Variants in NKAIN2 observed in about 807,000 individuals in gnomAD.
NKAIN2 encodes the protein sodium/potassium-transporting ATPase subunit beta-1-interacting protein 2.
In NKAIN2, 14 loss-of-function variants were observed where a neutral mutation model predicts 32.6. The observed-to-expected ratio is 0.43, with a 90% CI of 0.28 to 0.67. NKAIN2 has a LOEUF of 0.67. Among genes scored for constraint, NKAIN2 ranks in the 30% least tolerant of loss-of-function variants. The pLI is 0.17. For missense variants in NKAIN2, 198 were observed against 258.3 expected (o/e 0.77, Z 1.60); for synonymous variants, 80 against 87.2 (o/e 0.92, Z 0.46).
At chr6:124,056,953 A>C (rs969904680) in intron 1 of NKAIN2, among the ~76,000 whole-genome samples, 5 of 152,004 alleles carry the variant, frequency 3.3e-5, no homozygotes, top group African/African-American at 1.2e-4. Flanking sequence ...GCCCAAGGGA[A>C]ATAATGAGAT....
intron 1 of NKAIN2, among the ~76,000 whole-genome samples, chr6:123,844,204 G>A (rs1234944865): frequency 6.6e-6 from 1 of 152,090 alleles, no homozygotes; most frequent in Non-Finnish European, 1.5e-5. Flanking sequence ...AACCCCAACC[G>A]TGTCCTAAAG....
chr6:124,754,640 A>T (rs745629011), intron 4 of NKAIN2, among the ~76,000 whole-genome samples: 3 of 152,100 alleles, frequency 2.0e-5, no homozygotes, highest in Admixed American at 6.6e-5. Flanking sequence ...AAAATAACAG[A>T]TGCTGGAGCG....
At chr6:124,655,243 G>T (rs541564696) in intron 3 of NKAIN2, among the ~76,000 whole-genome samples, 1 of 152,018 alleles carries the variant, frequency 6.6e-6, no homozygotes, top group Non-Finnish European at 1.5e-5. Context: ...TGTTCCCATT[G>T]TGTCTCCATT....
chr6:124,723,911 G>A (rs1776148715), intron 4 of NKAIN2, among the ~76,000 whole-genome samples: 1 of 152,056 alleles, frequency 6.6e-6, no homozygotes, highest in Admixed American at 6.6e-5. Context: ...GTTCTGTGCT[G>A]GTATTTTTAT....
intron 3 of NKAIN2, among the ~76,000 whole-genome samples, chr6:124,428,864 G>A (rs775611454): frequency 6.6e-6 from 1 of 152,076 alleles, no homozygotes; most frequent in Non-Finnish European, 1.5e-5. Context: ...TGTGGGGTGT[G>A]TATAAGAGGG....
intron 4 of NKAIN2, among the ~76,000 whole-genome samples, chr6:124,663,914 C>T (rs192456848): frequency 6.6e-6 from 1 of 152,134 alleles, no homozygotes; most frequent in African/African-American, 2.4e-5. Flanking sequence ...ATTTAGAGAA[C>T]AAGATTTTTC....
At chr6:123,873,533 CT>C (rs1773014732) in intron 1 of NKAIN2, among the ~76,000 whole-genome samples, 1 of 152,110 alleles carries the variant, frequency 6.6e-6, no homozygotes, top group Non-Finnish European at 1.5e-5. Context: ...TTGAAGGTTT[CT>C]CTGAAGTGTG....
intron 1 of NKAIN2, among the ~76,000 whole-genome samples, chr6:124,050,284 A>G (rs989691889): frequency 6.6e-6 from 1 of 152,044 alleles, no homozygotes; most frequent in East Asian, 1.9e-4. Flanking sequence ...GTATTTTACT[A>G]ATGAAGTATA....
chr6:124,533,301 C>G (rs910957856), intron 3 of NKAIN2, among the ~76,000 whole-genome samples: 2 of 151,750 alleles, frequency 1.3e-5, no homozygotes, highest in Non-Finnish European at 2.9e-5. Flanking sequence ...GAAACCCCGT[C>G]TGTACTAAAA....
At chr6:124,367,124 AGTG>A (rs1163547230) in intron 3 of NKAIN2, among the ~76,000 whole-genome samples, 1 of 152,148 alleles carries the variant, frequency 6.6e-6, no homozygotes, top group Non-Finnish European at 1.5e-5. Flanking sequence ...ACTACACAGT[AGTG>A]AGGAATTATA....
chr6:124,552,009 C>T (rs1344603398), intron 3 of NKAIN2, among the ~76,000 whole-genome samples: 2 of 152,142 alleles, frequency 1.3e-5, no homozygotes, highest in Admixed American at 6.5e-5. Flanking sequence ...GAGCATGACC[C>T]GTTGCACAAC....
intron 2 of NKAIN2, among the ~76,000 whole-genome samples, chr6:124,317,192 C>A (rs374001970): frequency 1.3e-5 from 2 of 152,056 alleles, no homozygotes; most frequent in South Asian, 4.1e-4. Flanking sequence ...AGGAGTGTTT[C>A]CTACAACTAG....
At position 123,849,357 on chromosome 6, in the gene NKAIN2, G is replaced by A. The variant is rs190748697; in HGVS notation, c.54+45103G>A. 1.4e-4 allele frequency among the ~76,000 whole-genome samples: 21 copies of A among 152,306 alleles called. 1 individual carries two copies. The highest frequency in any genetic ancestry group is 8.5e-4 in the Admixed American group (13 of 15,302). On this transcript the variant is annotated intron_variant, in intron 1 of 6. Transcript: ENST00000368417. ...AGTAGCAGAGTTGGGAAGTAGACAT[G>A]GAATGGCAGGAAGCCAAGCAATGGT...
At chr6:124,465,726 C>A (rs544963233) in intron 3 of NKAIN2, among the ~76,000 whole-genome samples, 2 of 151,576 alleles carry the variant, frequency 1.3e-5, no homozygotes, top group Admixed American at 1.3e-4. Flanking sequence ...ACCTCCATTT[C>A]TAAATTGTTA....
intron 1 of NKAIN2, among the ~76,000 whole-genome samples, chr6:123,864,314 C>T (rs1775901338): frequency 6.6e-6 from 1 of 152,148 alleles, no homozygotes; most frequent in African/African-American, 2.4e-5. Context: ...ATCTCGACTC[C>T]TCTGTTTCAA....
chr6:124,690,226 C>A (rs925800537), intron 4 of NKAIN2, among the ~76,000 whole-genome samples: 1 of 151,908 alleles, frequency 6.6e-6, no homozygotes, highest in African/African-American at 2.4e-5. Context: ...TACTATTGTG[C>A]TTTTAATTTC....
At chr6:124,783,260 G>A (rs1002227898) in intron 4 of NKAIN2, among the ~76,000 whole-genome samples, 1 of 152,262 alleles carries the variant, frequency 6.6e-6, no homozygotes. Flanking sequence ...AGTTTGGACT[G>A]AAGAAATCTA....
Position 124,793,678 on chromosome 6 carries a change from TCAAAAA to T in NKAIN2, c.535+2280_535+2285del, listed in dbSNP as rs1247496426. ...ATGCTAGTTCCACAAGACATACTGC[TCAAAAA>T]AAAAAAAAAAAAGATTCCAAAGCCA... On this transcript the variant is annotated intron_variant, in intron 5 of 6. Transcript: ENST00000368417. 8.7e-5 allele frequency among the ~76,000 whole-genome samples: 5 copies of T among 57,460 alleles called. No individual in the cohort carries two copies. In the East Asian group the frequency reaches 1.7e-3, roughly 19 times the overall value. The allele number at this position is 57,460 out of a possible 152,430, so 37.7% of individuals were successfully genotyped here.
intron 2 of NKAIN2, among the ~76,000 whole-genome samples, chr6:124,308,149 A>G (rs774637226): frequency 6.9e-5 from 9 of 130,044 alleles, no homozygotes; most frequent in Non-Finnish European, 1.4e-4. Context: ...TTTGCCCCCC[A>G]CCCCGCAGCA....
Sources: gnomAD v4.1 joint callset for allele counts (sites outside exome capture counted in the v4.1 genomes callset) on GRCh38, gnomAD v4.1.1 for gene constraint, MANE v1.5 for transcripts, NCBI Gene and HGNC (gene_info 2026-07-23, HGNC 2026-07-21) for gene names.